TRAF3: variants seen among roughly 807,000 people sequenced by gnomAD.
The protein encoded by TRAF3 is TNF receptor associated factor 3.
Under a neutral mutation model 62.3 loss-of-function variants are expected in TRAF3, and 13 were observed. The observed-to-expected ratio is 0.21, with a 90% confidence interval of 0.14 to 0.33. The LOEUF (loss-of-function observed/expected upper bound fraction) is 0.33, where lower values mean the gene tolerates loss of function less well. Ranked by LOEUF, TRAF3 falls within the 10% of genes least tolerant of loss-of-function variation. The pLI is 1.00. For synonymous variants in TRAF3, 269 were observed against 283.4 expected, an observed-to-expected ratio of 0.95 and a Z score of 0.51; for missense variants, 440 against 741.8, an observed-to-expected ratio of 0.59 and a Z score of 4.73.
At chr14:102,841,866 A>G (rs1886392354) in intron 2 of TRAF3, among the ~76,000 whole-genome samples, 1 of 152,226 alleles carries the variant, frequency 6.6e-6, no homozygotes, top group Non-Finnish European at 1.5e-5. Flanking sequence ...CATAAAACGT[A>G]GAGAAAAACA....
At chr14:102,902,401 G>T (rs1474651447) in intron 10 of TRAF3, among the ~76,000 whole-genome samples, 1 of 152,232 alleles carries the variant, frequency 6.6e-6, no homozygotes, top group Non-Finnish European at 1.5e-5. Flanking sequence ...GGACCCTGGG[G>T]TCGTTCTGGG....
rs186371163 is a variant in TRAF3 at position 102,848,038 on chromosome 14, C to T, written c.-18+17566C>T. 1.0e-3 allele frequency among the ~76,000 whole-genome samples: 158 copies of T among 152,312 alleles called. 1 individual carries two copies. Among genetic ancestry groups the T allele is most frequent in the African/African-American group, 3.7e-3 (153 of 41,560 alleles). On this transcript the variant is annotated intron_variant, in intron 2 of 11. Coordinates refer to ENST00000392745, the MANE Select transcript of TRAF3 (RefSeq NM_145725.3). ...CCCTACCCTTCCCTAGAAGGTTCCC[C>T]ACTGCAAGGAAGGCACAGGCAGCCT...
intron 1 of TRAF3, among the ~76,000 whole-genome samples, chr14:102,816,880 G>A (rs774685678): frequency 3.0e-4 from 46 of 152,208 alleles, no homozygotes; most frequent in African/African-American, 1.1e-3. Context: ...TGAATCTAGC[G>A]CATGCAGACT....
chr14:102,817,465 G>C (rs1899607123), intron 1 of TRAF3, among the ~76,000 whole-genome samples: 3 of 152,146 alleles, frequency 2.0e-5, no homozygotes, highest in Non-Finnish European at 4.4e-5. Flanking sequence ...GGGTGTTCAG[G>C]AGGGAGGTTG....
At chr14:102,862,400 CCAAAAAAAAAAAA>C (rs1267580235) in intron 2 of TRAF3, among the ~76,000 whole-genome samples, 3 of 102,588 alleles carry the variant, frequency 2.9e-5, no homozygotes, top group African/African-American at 1.6e-4. Flanking sequence ...GATCCCTTCT[CCAAAAAAAAAAAA>C]AAAAAAAATT....
At chr14:102,873,930 C>T (rs1174012039) in intron 4 of TRAF3, among the ~76,000 whole-genome samples, 1 of 152,082 alleles carries the variant, frequency 6.6e-6, no homozygotes, top group African/African-American at 2.4e-5. Context: ...TAGAAATAAC[C>T]TTTGGACTAA....
chr14:102,905,103 C>T, intron 11 of TRAF3, 110 bp from the exon 12 acceptor site: 1 of 1,167,970 alleles, frequency 8.6e-7, no homozygotes, highest in Non-Finnish European at 1.2e-6. Flanking sequence ...CAGAGCGAGA[C>T]TCCGTCTCAA....
chr14:102,825,447 C>T (rs751527043), intron 1 of TRAF3, among the ~76,000 whole-genome samples: 36 of 152,338 alleles, frequency 2.4e-4, no homozygotes, highest in African/African-American at 8.2e-4. Flanking sequence ...AGGCAGGTTG[C>T]GCCCCTGCCC....
chr14:102,887,165 C>T (rs1479874239), intron 7 of TRAF3, among the ~76,000 whole-genome samples: 2 of 152,224 alleles, frequency 1.3e-5, no homozygotes, highest in Non-Finnish European at 1.5e-5. Flanking sequence ...TCTGTCCTGA[C>T]GGGGAGCTCC....
At chr14:102,805,853 C>T (rs1165214830) in intron 1 of TRAF3, among the ~76,000 whole-genome samples, 3 of 152,266 alleles carry the variant, frequency 2.0e-5, no homozygotes, top group Non-Finnish European at 4.4e-5. Context: ...TGAGTACATA[C>T]CTGTTTTACT....
intron 6 of TRAF3, among the ~76,000 whole-genome samples, chr14:102,877,875 C>T (rs1452102522): frequency 2.6e-5 from 4 of 151,986 alleles, no homozygotes; most frequent in South Asian, 2.1e-4. Flanking sequence ...ACAGGCCTTC[C>T]GCTGAGTTCA....
At chr14:102,904,018 A>G (rs748704790) in intron 11 of TRAF3, 6 of 357,372 alleles carry the variant, frequency 1.7e-5, no homozygotes, top group Non-Finnish European at 3.3e-5. Context: ...TTCGCCTCCA[A>G]GAGAGCAGAG....
chr14:102,903,168 C>T lies in TRAF3; in HGVS notation c.961-87C>T. 2 of 1,592,574 alleles carry T rather than the reference C, an allele frequency of 1.3e-6. No individual in the cohort carries two copies. The highest frequency in any genetic ancestry group is 1.7e-6 in the Non-Finnish European group (2 of 1,161,346). On this transcript the variant is annotated intron_variant, in intron 10 of 11. Transcript: ENST00000392745. The surrounding 1 kb of genome is among the most constrained non-coding windows in gnomAD (Gnocchi z 6.4). Reference sequence around the variant, plus strand: ...TACAGGGGCCTCTGACTGTTCTGCTCCTAGCCTGTCTGTATTTGATGGAAG... The same window carrying T: ...TACAGGGGCCTCTGACTGTTCTGCTTCTAGCCTGTCTGTATTTGATGGAAG...
At position 102,803,940 on chromosome 14, in the gene TRAF3, G is replaced by A. The variant is rs80130019; in HGVS notation, c.-157+26265G>A. ...GGGCTGGATATAGTGGCTGGCGCCT[G>A]TAATCCCAGCACTTTGAGAGGCTCA... is the stretch of plus-strand genomic sequence containing the variant. On this transcript the variant is annotated intron_variant, in intron 1 of 11. Transcript: ENST00000392745. Among the ~76,000 whole-genome samples, 1,223 of 152,332 alleles carry A rather than the reference G, an allele frequency of 8.0e-3. 18 individuals are homozygous for A. The highest frequency in any genetic ancestry group is 0.028 in the African/African-American group (1,174 of 41,568).
chr14:102,902,025 C>T (rs1281564340), intron 10 of TRAF3, among the ~76,000 whole-genome samples: 1 of 152,246 alleles, frequency 6.6e-6, no homozygotes, highest in Non-Finnish European at 1.5e-5. Context: ...CTTCATCTCA[C>T]AGGTGGACAC....
At chr14:102,867,678 G>T (rs1888082568) in intron 2 of TRAF3, among the ~76,000 whole-genome samples, 1 of 152,114 alleles carries the variant, frequency 6.6e-6, no homozygotes, top group African/African-American at 2.4e-5. Context: ...GGTCGAGGCT[G>T]GTCAACCCTT....
At chr14:102,784,215 C>CTTTTTTT in intron 1 of TRAF3, among the ~76,000 whole-genome samples, 1 of 117,642 alleles carries the variant, frequency 8.5e-6, no homozygotes, top group Non-Finnish European at 1.6e-5. Flanking sequence ...GATGCTTGGC[C>CTTTTTTT]TTTTTTTTTT....
intron 2 of TRAF3, among the ~76,000 whole-genome samples, chr14:102,850,104 C>T (rs1386680832): frequency 3.3e-5 from 5 of 152,120 alleles, no homozygotes; most frequent in Admixed American, 2.0e-4. Flanking sequence ...CAACTAAAAT[C>T]ATGGAACTGG....
At chr14:102,785,142 A>G (rs1244657241) in intron 1 of TRAF3, among the ~76,000 whole-genome samples, 1 of 152,240 alleles carries the variant, frequency 6.6e-6, no homozygotes, top group African/African-American at 2.4e-5. Flanking sequence ...CTTTCAGAGT[A>G]GACTTAGTTT....
Sources: gnomAD v4.1 joint callset for allele counts (sites outside exome capture counted in the v4.1 genomes callset) on GRCh38, gnomAD v4.1.1 for gene constraint, Gnocchi (gnomAD v3.1) non-coding constraint, MANE v1.5 for transcripts, NCBI Gene and HGNC (gene_info 2026-07-23, HGNC 2026-07-21) for gene names.